The following CTNNA2 variants were observed in gnomAD, a reference collection of about 807,000 sequenced individuals.
CTNNA2 encodes catenin alpha-2.
Under a neutral mutation model 101.0 loss-of-function variants are expected in CTNNA2, and 42 were observed. The ratio of observed to expected loss-of-function variants is 0.42; its 90% confidence interval spans 0.32 to 0.54. The LOEUF is 0.54. Ranked by LOEUF, CTNNA2 falls within the 20% of genes least tolerant of loss-of-function variation. The probability of loss-of-function intolerance (pLI) is 0.14; values close to 1 mark genes in which losing one functional copy is unlikely to be tolerated. For synonymous variants in CTNNA2, 450 were observed against 456.4 expected (o/e 0.99, Z 0.18); for missense variants, 871 against 1,223.1 (o/e 0.71, Z 4.29).
At chr2:80,481,600 C>A (rs1414437921) in intron 9 of CTNNA2, among the ~76,000 whole-genome samples, 1 of 152,134 alleles carries the variant, frequency 6.6e-6, no homozygotes, top group Non-Finnish European at 1.5e-5. Flanking sequence ...TTAAACCTGA[C>A]CTTCTTATTG....
At chr2:80,548,658 G>A (rs1323533566) in intron 11 of CTNNA2, among the ~76,000 whole-genome samples, 2 of 152,166 alleles carry the variant, frequency 1.3e-5, no homozygotes, top group Admixed American at 1.3e-4. Flanking sequence ...AGCTTGGCAG[G>A]GCCTGCTGGA....
intron 3 of CTNNA2, among the ~76,000 whole-genome samples, chr2:79,793,047 A>G (rs1024462779): frequency 2.6e-5 from 4 of 152,224 alleles, no homozygotes; most frequent in African/African-American, 7.2e-5. Flanking sequence ...AGAATTTTGG[A>G]TGGTATGTAT....
chr2:79,702,573 G>T (rs1195533800), intron 2 of CTNNA2, among the ~76,000 whole-genome samples: 1 of 152,150 alleles, frequency 6.6e-6, no homozygotes, highest in Non-Finnish European at 1.5e-5. Flanking sequence ...GAAAGGCAAT[G>T]GGGAGTAACT....
intron 3 of CTNNA2, among the ~76,000 whole-genome samples, chr2:79,745,515 G>A (rs757802390): frequency 4.6e-5 from 7 of 151,966 alleles, no homozygotes; most frequent in South Asian, 4.2e-4. Context: ...TATTCATATC[G>A]TTGAGCAAGC....
chr2:79,853,539 C>T (rs1444000908), intron 3 of CTNNA2, among the ~76,000 whole-genome samples: 1 of 152,138 alleles, frequency 6.6e-6, no homozygotes, highest in African/African-American at 2.4e-5. Context: ...CACGCAGGCC[C>T]CTCCTTCAAG....
intron 7 of CTNNA2, among the ~76,000 whole-genome samples, chr2:80,108,734 T>A (rs571961246): frequency 4.6e-5 from 7 of 152,308 alleles, no homozygotes; most frequent in Non-Finnish European, 8.8e-5. Flanking sequence ...GGTCATCCGG[T>A]GGTTTATGGC....
chr2:79,928,852 A>C (rs1011442565), intron 7 of CTNNA2, among the ~76,000 whole-genome samples: 2 of 152,234 alleles, frequency 1.3e-5, no homozygotes, highest in Non-Finnish European at 2.9e-5. Context: ...ACATGAAAAA[A>C]AATGTTAATA....
intron 7 of CTNNA2, among the ~76,000 whole-genome samples, chr2:80,036,836 T>C (rs1369329429): frequency 1.3e-5 from 1 of 76,268 alleles, no homozygotes; most frequent in Admixed American, 1.4e-4. Flanking sequence ...TGTGTGTGTG[T>C]GTGTGTGTGT....
rs147381796 is a variant in CTNNA2 at position 80,606,993 on chromosome 2, T to C, written c.2296-1191T>C. Reference sequence around the variant, plus strand: ...AAGCTAAAAACAGTCTCTGTGGAATTCTTTCTTGATAAATGCAGTTAGTGA... The same window carrying C: ...AAGCTAAAAACAGTCTCTGTGGAATCCTTTCTTGATAAATGCAGTTAGTGA... On this transcript the variant is annotated intron_variant, in intron 16 of 18. Transcript: ENST00000402739. 2.3e-3 allele frequency among the ~76,000 whole-genome samples: 350 copies of C among 152,046 alleles called. 1 individual carries two copies. Among genetic ancestry groups the C allele is most frequent in the African/African-American group, 7.9e-3 (327 of 41,538 alleles).
intron 3 of CTNNA2, among the ~76,000 whole-genome samples, chr2:79,818,158 A>G (rs1677682588): frequency 6.6e-6 from 1 of 152,190 alleles, no homozygotes; most frequent in African/African-American, 2.4e-5. Context: ...GATTACATTA[A>G]GAAGTTCACT....
chr2:79,447,233 T>A (rs996823002), intron 4 of CTNNA2, among the ~76,000 whole-genome samples: 6 of 152,022 alleles, frequency 3.9e-5, no homozygotes, highest in Admixed American at 3.3e-4. Context: ...AATGCTGTAC[T>A]ACCTAATCTC....
intron 3 of CTNNA2, among the ~76,000 whole-genome samples, chr2:79,348,556 C>T (rs1159686552): frequency 2.0e-5 from 3 of 152,174 alleles, no homozygotes; most frequent in Non-Finnish European, 2.9e-5. Flanking sequence ...GCAATGCTCT[C>T]GCCAATTCTC....
rs78487723 is a variant in CTNNA2, at chr2:79,570,605, A to T, written c.-6+57398A>T. 7.1e-3 allele frequency among the ~76,000 whole-genome samples: 1,080 copies of T among 152,256 alleles called. 55 individuals carry two copies. In the East Asian group the frequency reaches 0.12, roughly 17 times the overall value. On this transcript the variant is annotated intron_variant, in intron 1 of 18. Coordinates refer to ENST00000402739, the MANE Select transcript of CTNNA2 (RefSeq NM_001282597.3). The stretch of plus-strand genomic sequence containing the variant: ...TAGGTTTAGAATTCAGAACACTTTT[A>T]TAAAGAGGAAAAAAGATGAGAAACT...
At chr2:79,841,908 T>C (rs553102348) in intron 3 of CTNNA2, among the ~76,000 whole-genome samples, 3 of 152,308 alleles carry the variant, frequency 2.0e-5, no homozygotes, top group African/African-American at 7.2e-5. Context: ...ATATCCATAA[T>C]ATCATTAGTT....
In CTNNA2 at chr2:80,043,185, T is replaced by C. The variant is rs189903867; in HGVS notation, c.1056+133388T>C. Among the ~76,000 whole-genome samples, 645 of 86,624 alleles carry C rather than the reference T, an allele frequency of 7.4e-3. 6 individuals carry two copies. Among genetic ancestry groups the C allele is most frequent in the African/African-American group, 0.02 (434 of 21,318 alleles). 56.8% of individuals were successfully genotyped at this position (86,624 alleles called of 152,430 possible). A position where few individuals can be genotyped will look rare whatever the true frequency, so the allele number is the denominator to read the frequency against. On this transcript the variant is annotated intron_variant, in intron 7 of 18. Coordinates refer to ENST00000402739, the MANE Select transcript of CTNNA2 (RefSeq NM_001282597.3). ...TCCTTCCTTCCTTCCTTCCTTCCTT[T>C]CTTTCTTTCTTTCTCTCTCTCTTTT... is the stretch of plus-strand genomic sequence containing the variant.
intron 7 of CTNNA2, among the ~76,000 whole-genome samples, chr2:80,237,191 G>A (rs1452687208): frequency 6.6e-6 from 1 of 152,130 alleles, no homozygotes; most frequent in African/African-American, 2.4e-5. Flanking sequence ...ATATGATTGA[G>A]TCAAGCATAT....
rs114466362 is a variant in CTNNA2 at position 79,336,199 on chromosome 2, G to T, written c.-318+23403G>T. The stretch of plus-strand genomic sequence containing the variant: ...CAAGTCAGAAATATTCAGAAAGATT[G>T]CCTTAGAACCAGGGGGCAAGACTGC... On this transcript the variant is annotated intron_variant, in intron 3 of 21. Transcript: ENST00000466387. Among the ~76,000 whole-genome samples the T allele has an allele frequency of 5.3e-3, 803 of 152,250 alleles. 7 individuals are homozygous for T. Among genetic ancestry groups the T allele is most frequent in the African/African-American group, 0.019 (779 of 41,540 alleles).
intron 3 of CTNNA2, among the ~76,000 whole-genome samples, chr2:79,825,019 A>G (rs969074438): frequency 4.6e-5 from 7 of 152,124 alleles, no homozygotes; most frequent in East Asian, 1.9e-4. Flanking sequence ...GCGAGACCCC[A>G]TATCTGCAAA....
At chr2:79,196,202 G>C (rs13390200) in intron 1 of CTNNA2, among the ~76,000 whole-genome samples, 151 of 152,282 alleles carry the variant, frequency 9.9e-4, no homozygotes, top group African/African-American at 3.3e-3. Context: ...AAAGTGCTGG[G>C]ATTATAGGCA....
Sources: allele counts gnomAD v4.1 joint callset (sites outside exome capture counted in the v4.1 genomes callset), GRCh38; gene constraint gnomAD v4.1.1; transcripts MANE v1.5; gene names NCBI Gene and HGNC (gene_info 2026-07-23, HGNC 2026-07-21).